EHD4: variants seen among roughly 807,000 people sequenced by gnomAD.
The protein encoded by EHD4 is EH domain containing 4.
EHD4 carries 37 observed loss-of-function variants against 51.0 expected under a neutral mutation model. The observed-to-expected ratio is 0.73, with a 90% CI of 0.56 to 0.95. EHD4 has a LOEUF of 0.95. Ranked by LOEUF, EHD4 falls within the 40% of genes least tolerant of loss-of-function variation. The probability of loss-of-function intolerance (pLI) is 0.00; values close to 1 mark genes in which losing one functional copy is unlikely to be tolerated. For synonymous variants in EHD4, 297 were observed against 317.3 expected, an observed-to-expected ratio of 0.94 and a Z score of 0.68; for missense variants, 632 against 733.1, an observed-to-expected ratio of 0.86 and a Z score of 1.59.
At chr15:41,962,160 AAG>A (rs1282337308) in intron 1 of EHD4, among the ~76,000 whole-genome samples, 1 of 152,208 alleles carries the variant, frequency 6.6e-6, no homozygotes, top group Non-Finnish European at 1.5e-5. Flanking sequence ...GCTGCTTGGG[AAG>A]AGCAAATACA....
At chr15:41,904,457 T>C (rs1163756814) in intron 5 of EHD4, among the ~76,000 whole-genome samples, 1 of 152,190 alleles carries the variant, frequency 6.6e-6, no homozygotes, top group Admixed American at 6.5e-5. Flanking sequence ...CCCTGCCCTC[T>C]GCCACGGTGA....
At chr15:41,909,504 T>C (rs890500) in intron 5 of EHD4, among the ~76,000 whole-genome samples, 195 bp downstream of exon 5, 144,007 of 152,326 alleles carry the variant, frequency 0.95, 68,614 homozygotes, top group East Asian at 1. Context: ...GGCCATGTGT[T>C]TCCTTTGTTT....
chr15:41,909,222 C>A (rs574001028), intron 5 of EHD4, among the ~76,000 whole-genome samples: 30 of 152,374 alleles, frequency 2.0e-4, no homozygotes, highest in Admixed American at 1.9e-3. Context: ...CCTGTGCCCA[C>A]GCAGTCCAGC....
chr15:41,909,605 C>T (rs2067535277), intron 5 of EHD4, 94 bp downstream of exon 5: 1 of 1,442,626 alleles, frequency 6.9e-7, no homozygotes, highest in Non-Finnish European at 9.6e-7. Context: ...TGATCCTAAA[C>T]CATGGGACTC....
At chr15:41,928,060 G>A (rs1043795292) in intron 3 of EHD4, among the ~76,000 whole-genome samples, 10 of 152,136 alleles carry the variant, frequency 6.6e-5, no homozygotes, top group Non-Finnish European at 1.0e-4. Context: ...AATACACTTC[G>A]AAAAGAGTCC....
chr15:41,927,973 A>T (rs2067673572), intron 3 of EHD4, among the ~76,000 whole-genome samples: 1 of 152,240 alleles, frequency 6.6e-6, no homozygotes, highest in African/African-American at 2.4e-5. Context: ...TTTCTAAAAA[A>T]GGGTTGTTAC....
chr15:41,952,760 C>T (rs549534985), intron 2 of EHD4, among the ~76,000 whole-genome samples: 9 of 152,092 alleles, frequency 5.9e-5, no homozygotes, highest in East Asian at 1.9e-4. Flanking sequence ...GAAGGCGAGG[C>T]GGGTGGATCA....
In EHD4 at chr15:41,908,289, CTGAG is replaced by C. The variant is rs544466532; in HGVS notation, c.1089+1406_1089+1409del. The C allele has an allele frequency of 2.0e-5, 3 of 152,334 alleles. No individual in the cohort carries two copies. In the South Asian group the frequency reaches 6.2e-4, roughly 32 times the overall value. 9.4% of individuals were successfully genotyped at this position (152,334 alleles called of 1,614,324 possible). A position where few individuals can be genotyped will look rare whatever the true frequency, so the allele number is the denominator to read the frequency against. On this transcript the variant is annotated intron_variant, in intron 5 of 5. Coordinates refer to ENST00000220325, the MANE Select transcript of EHD4 (RefSeq NM_139265.4). The stretch of plus-strand genomic sequence containing the variant: ...TCAAAACAGCAAGAAAAACCCACCT[CTGAG>C]TTAGTGTATAATTTATATAAAGCTT...
chr15:41,922,801 G>A (rs1027214058), intron 3 of EHD4, among the ~76,000 whole-genome samples: 2 of 152,198 alleles, frequency 1.3e-5, no homozygotes, highest in South Asian at 2.1e-4. Flanking sequence ...TGGAGGAACA[G>A]GTACATATCC....
chr15:41,923,779 T>C lies in EHD4; in HGVS notation c.512-4157A>G, dbSNP rs573670413. 1.4e-3 allele frequency among the ~76,000 whole-genome samples: 217 copies of C among 152,350 alleles called. 1 individual carries two copies. Among genetic ancestry groups the C allele is most frequent in the Non-Finnish European group, 2.4e-3 (165 of 68,044 alleles). Reference sequence around the variant, plus strand: ...TCCTTTTATTCCAAAAAGTTACCAATAGATGTTTAGGTGGTGCATCACAGG... The same window carrying C: ...TCCTTTTATTCCAAAAAGTTACCAACAGATGTTTAGGTGGTGCATCACAGG... On this transcript the variant is annotated intron_variant, in intron 3 of 5. Transcript: ENST00000220325.
At chr15:41,916,360 G>T (rs957644651) in intron 4 of EHD4, among the ~76,000 whole-genome samples, 2 of 152,168 alleles carry the variant, frequency 1.3e-5, no homozygotes, top group Admixed American at 6.5e-5. Context: ...CAGCTTACAG[G>T]CTGTGAAGCC....
At chr15:41,915,821 A>G (rs902751584) in intron 4 of EHD4, among the ~76,000 whole-genome samples, 1 of 152,192 alleles carries the variant, frequency 6.6e-6, no homozygotes, top group Admixed American at 6.5e-5. Context: ...GTCTACTGAG[A>G]TTGTAAGAAG....
In EHD4 at chr15:41,909,880, C is replaced by G. The variant is rs201399185; in HGVS notation, c.925-17G>C. On this transcript the variant is annotated splice_polypyrimidine_tract_variant and intron_variant, in intron 4 of 5. Coordinates refer to ENST00000220325, the MANE Select transcript of EHD4 (RefSeq NM_139265.4). Reference sequence around the variant, plus strand: ...GGCATGCACCTGGAGGGGTATAGATCAGGCAGGGAAGTGTCATTTAGAATT... The same window carrying G: ...GGCATGCACCTGGAGGGGTATAGATGAGGCAGGGAAGTGTCATTTAGAATT... The G allele has an allele frequency of 3.1e-6, 5 of 1,613,862 alleles. No individual in the cohort carries two copies. The highest frequency in any genetic ancestry group is 4.2e-6 in the Non-Finnish European group (5 of 1,179,852).
intron 1 of EHD4, among the ~76,000 whole-genome samples, chr15:41,962,670 G>T (rs1407321295): frequency 1.3e-5 from 2 of 151,890 alleles, no homozygotes; most frequent in African/African-American, 4.8e-5. Flanking sequence ...GTCCGGGAGG[G>T]AGGCGGGGGG....
chr15:41,913,448 G>A (rs562979370), intron 4 of EHD4, among the ~76,000 whole-genome samples: 1 of 152,332 alleles, frequency 6.6e-6, no homozygotes, highest in East Asian at 1.9e-4. Flanking sequence ...GCTTGAAGAT[G>A]AGGCTCAGGC....
chr15:41,905,845 A>G (rs2067508886), intron 5 of EHD4, among the ~76,000 whole-genome samples: 2 of 152,194 alleles, frequency 1.3e-5, no homozygotes, highest in South Asian at 4.1e-4. Context: ...TAATTTTAAA[A>G]TATTTTAATG....
intron 1 of EHD4, among the ~76,000 whole-genome samples, chr15:41,963,378 C>G (rs956775905): frequency 4.0e-5 from 6 of 150,690 alleles, no homozygotes; most frequent in African/African-American, 1.5e-4. Flanking sequence ...ACAGGCAGAT[C>G]ACTTGAGGTC....
chr15:41,960,536 G>A (rs555135041), intron 1 of EHD4, among the ~76,000 whole-genome samples: 8 of 152,064 alleles, frequency 5.3e-5, no homozygotes, highest in African/African-American at 1.9e-4. Context: ...TTTCCTGTTA[G>A]GCATTTAAAT....
At position 41,963,515 on chromosome 15, in the gene EHD4, G is replaced by A. The variant is rs190537422; in HGVS notation, c.236+8744C>T. On this transcript the variant is annotated intron_variant, in intron 1 of 5. Transcript: ENST00000220325. ...CTTGGGAGGTTGAGGCACAAGAACC[G>A]CTTGAACTGGAAGGTGGAGGTTGCA... Among the ~76,000 whole-genome samples the A allele has an allele frequency of 4.1e-3, 619 of 150,986 alleles. 3 individuals carry two copies. Among genetic ancestry groups the A allele is most frequent in the African/African-American group, 0.014 (592 of 41,146 alleles).
Sources: allele counts gnomAD v4.1 joint callset (sites outside exome capture counted in the v4.1 genomes callset), GRCh38; gene constraint gnomAD v4.1.1; transcripts MANE v1.5; gene names NCBI Gene and HGNC (gene_info 2026-07-23, HGNC 2026-07-21).